Variants in ARL13B observed in about 807,000 individuals in gnomAD.
ARL13B encodes ARF like GTPase 13B, also known as ADP-ribosylation factor-like protein 13B.
In ARL13B, 36 loss-of-function variants were observed where a neutral mutation model predicts 56.1. That is an observed-to-expected ratio of 0.64 (90% CI 0.49 to 0.85). The LOEUF (loss-of-function observed/expected upper bound fraction) is 0.85, where lower values mean the gene tolerates loss of function less well. Among genes scored for constraint, ARL13B ranks in the 40% least tolerant of loss-of-function variants. The pLI, the probability that ARL13B is intolerant of heterozygous loss-of-function variation, is 0.00. For missense variants in ARL13B, 519 were observed against 507.1 expected (o/e 1.02, Z -0.23); for synonymous variants, 178 against 171.1 (o/e 1.04, Z -0.32).
chr3:94,042,146 T>A (rs2107147439), intron 6 of ARL13B, among the ~76,000 whole-genome samples: 1 of 152,314 alleles, frequency 6.6e-6, no homozygotes, highest in East Asian at 1.9e-4. Context: ...TAACACTAAG[T>A]TAAATAAAAA....
chr3:94,002,183 C>G (rs910624048), intron 2 of ARL13B, among the ~76,000 whole-genome samples: 1 of 152,094 alleles, frequency 6.6e-6, no homozygotes, highest in African/African-American at 2.4e-5. Flanking sequence ...GTAGAACTTT[C>G]TGCAATGATG....
Position 94,040,000 on chromosome 3 carries a change from G to A in ARL13B, c.798+12G>A, listed in dbSNP as rs2107137423. ...CTGTAATCATTGAGGTATGAATGAT[G>A]GCAAATGTAATTTTTGTATCTTAAG... On this transcript the variant is annotated intron_variant, in intron 6 of 9. Coordinates refer to ENST00000394222, the MANE Select transcript of ARL13B (RefSeq NM_001174150.2). The A allele has an allele frequency of 1.2e-6, 2 of 1,604,380 alleles. No individual in the cohort carries two copies. The highest frequency in any genetic ancestry group is 1.7e-6 in the Non-Finnish European group (2 of 1,171,784).
intron 7 of ARL13B, among the ~76,000 whole-genome samples, chr3:94,045,085 A>G (rs913933608): frequency 1.3e-5 from 2 of 152,224 alleles, no homozygotes; most frequent in Non-Finnish European, 2.9e-5. Flanking sequence ...AGAAGACTCC[A>G]TTTTGTTCTG....
At chr3:94,013,764 A>T (rs1034822737) in intron 3 of ARL13B, among the ~76,000 whole-genome samples, 4 of 152,176 alleles carry the variant, frequency 2.6e-5, no homozygotes, top group African/African-American at 9.6e-5. Context: ...TCGCCAACAT[A>T]GCAAAACCAC....
chr3:94,000,880 T>C (rs1244012482), intron 2 of ARL13B, among the ~76,000 whole-genome samples: 1 of 152,176 alleles, frequency 6.6e-6, no homozygotes, highest in Non-Finnish European at 1.5e-5. Flanking sequence ...GGTTCTTGTA[T>C]GATTTATCAT....
intron 3 of ARL13B, among the ~76,000 whole-genome samples, chr3:94,031,140 T>C (rs1376124001): frequency 6.6e-6 from 1 of 152,130 alleles, no homozygotes. Flanking sequence ...TGTAGTGAGC[T>C]GTTGTCACAC....
intron 3 of ARL13B, among the ~76,000 whole-genome samples, chr3:94,026,555 C>T (rs2076562541): frequency 6.6e-6 from 1 of 152,082 alleles, no homozygotes; most frequent in Admixed American, 6.6e-5. Context: ...GATCTTATAT[C>T]TTCATGAATT....
At chr3:93,997,848 G>A (rs1310523590) in intron 2 of ARL13B, among the ~76,000 whole-genome samples, 1 of 152,154 alleles carries the variant, frequency 6.6e-6, no homozygotes, top group Non-Finnish European at 1.5e-5. Context: ...TTAGCTAGGT[G>A]TGGTGGCACA....
chr3:94,006,348 A>C (rs1313518583), intron 3 of ARL13B, among the ~76,000 whole-genome samples: 1 of 152,128 alleles, frequency 6.6e-6, no homozygotes, highest in African/African-American at 2.4e-5. Flanking sequence ...ATATGTTTAT[A>C]AACACCTCTT....
In ARL13B at chr3:94,039,996, T is replaced by A. The variant is rs1044514627; in HGVS notation, c.798+8T>A. The A allele has an allele frequency of 1.4e-5, 23 of 1,610,098 alleles. No individual in the cohort carries two copies. The highest frequency in any genetic ancestry group is 2.0e-5 in the Non-Finnish European group (23 of 1,176,934). On this transcript the variant is annotated splice_region_variant and intron_variant, in intron 6 of 9. Transcript: ENST00000394222. ...GCATCTGTAATCATTGAGGTATGAA[T>A]GATGGCAAATGTAATTTTTGTATCT...
intron 3 of ARL13B, chr3:94,014,278 A>AT (rs2076280692): frequency 2.2e-6 from 2 of 928,112 alleles, no homozygotes; most frequent in Non-Finnish European, 1.5e-6. Flanking sequence ...CTTAACAGTG[A>AT]TGAAAGGTAT....
chr3:94,032,168 C>T (rs1431749572), intron 3 of ARL13B, among the ~76,000 whole-genome samples: 6 of 152,116 alleles, frequency 3.9e-5, no homozygotes, highest in Non-Finnish European at 8.8e-5. Context: ...CCTCTTTATC[C>T]TATAGGAGAC....
At chr3:94,004,994 G>A (rs1047769720) in intron 3 of ARL13B, among the ~76,000 whole-genome samples, 18 of 151,722 alleles carry the variant, frequency 1.2e-4, no homozygotes, top group African/African-American at 4.1e-4. Flanking sequence ...TATTAATGAT[G>A]GTTATTTGTA....
intron 1 of ARL13B, among the ~76,000 whole-genome samples, chr3:93,995,492 T>G (rs1164405807): frequency 1.3e-5 from 2 of 152,200 alleles, no homozygotes; most frequent in Non-Finnish European, 2.9e-5. Context: ...TTTCATAAGA[T>G]AAACAGATTG....
At chr3:94,037,527 C>T (rs998760080) in intron 5 of ARL13B, among the ~76,000 whole-genome samples, 5 of 152,210 alleles carry the variant, frequency 3.3e-5, no homozygotes, top group African/African-American at 9.6e-5. Flanking sequence ...ATAATATGAG[C>T]GTGCCTTTCA....
chr3:93,983,643 T>G (rs1232468355), intron 1 of ARL13B, among the ~76,000 whole-genome samples: 2 of 152,098 alleles, frequency 1.3e-5, no homozygotes, highest in Admixed American at 6.5e-5. Context: ...TGCTTTGAGT[T>G]TCTGGGGTTT....
intron 3 of ARL13B, among the ~76,000 whole-genome samples, chr3:94,013,757 C>G (rs748490744): frequency 1.2e-4 from 18 of 152,124 alleles, no homozygotes; most frequent in Non-Finnish European, 2.5e-4. Context: ...ACCAGCCTCG[C>G]CAACATAGCA....
At chr3:93,991,766 A>G (rs2075881214) in intron 1 of ARL13B, among the ~76,000 whole-genome samples, 1 of 152,240 alleles carries the variant, frequency 6.6e-6, no homozygotes, top group Non-Finnish European at 1.5e-5. Context: ...TTTTAGGTGA[A>G]TGTTAACCTT....
intron 1 of ARL13B, among the ~76,000 whole-genome samples, chr3:93,987,617 C>G (rs1304751241): frequency 6.6e-6 from 1 of 151,970 alleles, no homozygotes; most frequent in East Asian, 1.9e-4. Flanking sequence ...GTACACAATT[C>G]TTAACATACA....
Sources: gnomAD v4.1 joint callset for allele counts (sites outside exome capture counted in the v4.1 genomes callset) on GRCh38, gnomAD v4.1.1 for gene constraint, MANE v1.5 for transcripts, NCBI Gene and HGNC (gene_info 2026-07-23, HGNC 2026-07-21) for gene names.